The following CACNA1D variants were observed in gnomAD, a reference collection of about 807,000 sequenced individuals.
CACNA1D encodes voltage-dependent L-type calcium channel subunit alpha-1D.
In CACNA1D, 55 loss-of-function variants were observed where a neutral mutation model predicts 257.1. That is an observed-to-expected ratio of 0.21 (90% CI 0.17 to 0.27). CACNA1D has a LOEUF of 0.27. Ranked by LOEUF, CACNA1D falls within the 10% of genes least tolerant of loss-of-function variation. The pLI is 1.00. For missense variants in CACNA1D, 1,876 were observed against 2,784.0 expected, an observed-to-expected ratio of 0.67 and a Z score of 7.34; for synonymous variants, 980 against 1,014.9, an observed-to-expected ratio of 0.97 and a Z score of 0.65.
Position 53,702,769 on chromosome 3 carries a change from C to A in CACNA1D, c.1349C>A (p.Pro450Gln), listed in dbSNP as rs556582252. The change falls in exon 9 of 48, where the codon CCG (proline) becomes CAG (glutamine). Residue 450 changes from proline to glutamine, a missense_variant. Physicochemically the swap from Pro to Gln is moderately conservative, Grantham distance 76 (BLOSUM62 -1). Around this residue, in one of 10 missense-constraint regions of CACNA1D, gnomAD observed 257 missense variants for 399.7 expected, o/e 0.64. Coordinates refer to ENST00000350061, the MANE Select transcript of CACNA1D (RefSeq NM_001128840.3). ...DWITQAEDID[P>Q]ENEEEGGEEG... ...ATCACCCAAGCTGAGGACATCGATCCGGAGAATGAGGAAGAAGGAGGAGAG... is the reference window on the plus strand; with the variant it reads ...ATCACCCAAGCTGAGGACATCGATCAGGAGAATGAGGAAGAAGGAGGAGAG... 1 of 1,614,150 alleles carries A rather than the reference C, an allele frequency of 6.2e-7. No individual in the cohort carries two copies. Among genetic ancestry groups the A allele is most frequent in the Non-Finnish European group, 8.5e-7 (1 of 1,180,028 alleles).
At chr3:53,500,392 G>A (rs1416690034) in intron 2 of CACNA1D, among the ~76,000 whole-genome samples, 2 of 149,006 alleles carry the variant, frequency 1.3e-5, no homozygotes, top group Admixed American at 1.3e-4. Context: ...TTGAGATTGC[G>A]CCAGTGCACT....
intron 3 of CACNA1D, among the ~76,000 whole-genome samples, chr3:53,609,874 A>G (rs1289214728): frequency 6.6e-6 from 1 of 152,162 alleles, no homozygotes; most frequent in Non-Finnish European, 1.5e-5. Flanking sequence ...CTTTTCTAAT[A>G]TCGGAATATT....
At chr3:53,545,855 T>G (rs1425160838) in intron 3 of CACNA1D, among the ~76,000 whole-genome samples, 1 of 152,196 alleles carries the variant, frequency 6.6e-6, no homozygotes, top group Non-Finnish European at 1.5e-5. Context: ...GTTTCTATTG[T>G]GCGTGCTGAT....
At chr3:53,690,516 T>A (rs936943638) in intron 8 of CACNA1D, among the ~76,000 whole-genome samples, 2 of 152,190 alleles carry the variant, frequency 1.3e-5, no homozygotes, top group African/African-American at 4.8e-5. Context: ...GCTCTGCCCC[T>A]TGTTCTCCGT....
chr3:53,750,355 A>G (rs1326561156), intron 27 of CACNA1D, among the ~76,000 whole-genome samples: 1 of 152,180 alleles, frequency 6.6e-6, no homozygotes, highest in Non-Finnish European at 1.5e-5. Context: ...AAGAGTCTAC[A>G]AGATCGAGAT....
In CACNA1D at chr3:53,723,304, G is replaced by A. The variant is rs1006232273; in HGVS notation, c.1667-130G>A. 1 of 747,904 alleles carries A rather than the reference G, an allele frequency of 1.3e-6. No homozygotes were observed. The highest frequency in any genetic ancestry group is 1.4e-5 in the South Asian group (1 of 70,356). The allele number at this position is 747,904 out of a possible 1,614,324, so 46.3% of individuals were successfully genotyped here. On this transcript the variant is annotated intron_variant, in intron 12 of 47. Transcript: ENST00000350061. The surrounding 1 kb of genome is among the most constrained non-coding windows in gnomAD (Gnocchi z 5.6). ...AGGCCACGTTTCTGTCCTGAGTGAG[G>A]TAGTGAAGAGAGAGACAAGGTATTG...
rs148800138 is a variant in CACNA1D, at chr3:53,540,844, C to T, written c.483+39124C>T. On this transcript the variant is annotated intron_variant, in intron 3 of 47. Coordinates refer to ENST00000350061, the MANE Select transcript of CACNA1D (RefSeq NM_001128840.3). Reference sequence around the variant, plus strand: ...GCTACCTCCGCCTCCTGGGTTCAAGCGATTCTCTGGCCTCAGCCTCCCAAG... The same window carrying T: ...GCTACCTCCGCCTCCTGGGTTCAAGTGATTCTCTGGCCTCAGCCTCCCAAG... Among the ~76,000 whole-genome samples, 59 of 152,160 alleles carry T rather than the reference C, an allele frequency of 3.9e-4. No individual in the cohort carries two copies. The East Asian group carries it at 0.01, about 27-fold the overall frequency.
intron 9 of CACNA1D, among the ~76,000 whole-genome samples, chr3:53,713,529 TGTGTGTGTGTGTGTGA>T (rs1159196369): frequency 0.019 from 2,758 of 142,988 alleles, 71 homozygotes; most frequent in African/African-American, 0.07. Flanking sequence ...TGTGTGTGTG[TGTGTGTGTGTGTGTGA>T]GAGATTTGCC....
intron 3 of CACNA1D, among the ~76,000 whole-genome samples, chr3:53,645,844 G>T (rs1208731135): frequency 1.3e-5 from 2 of 152,132 alleles, no homozygotes; most frequent in Non-Finnish European, 2.9e-5. Context: ...ATGAGAAAGA[G>T]GGTTGGGGAG....
At position 53,731,140 on chromosome 3, in the gene CACNA1D, C is replaced by A; in HGVS notation, c.2400C>A (p.Asp800Glu). The change falls in exon 17 of 48, where the codon GAC becomes GAA. Residue 800 changes from aspartate to glutamate, a missense_variant. This residue lies in a region of CACNA1D where 78 missense variants were observed against 69.2 expected (regional missense o/e 1.13). Transcript: ENST00000350061. Reference sequence around the variant, plus strand: ...AAGTCAACCAGATAGCCAACAGTGACAACAAGGTATGTATTCTAAGATGCT... The same window carrying A: ...AAGTCAACCAGATAGCCAACAGTGAAAACAAGGTATGTATTCTAAGATGCT... ...KPEVNQIANS[D>E]NKVTIDDYRE... 1 of 1,604,086 alleles carries A rather than the reference C, an allele frequency of 6.2e-7. No homozygotes were observed.
rs990580531 is a variant in CACNA1D, at chr3:53,660,347, G to A, written c.766+72G>A. 1.3e-5 allele frequency: 19 copies of A among 1,455,514 alleles called. No homozygotes were observed. The South Asian group carries it at 1.9e-4, about 15-fold the overall frequency. The allele number at this position is 1,455,514 out of a possible 1,614,324, so 90.2% of individuals were successfully genotyped here. On this transcript the variant is annotated intron_variant, in intron 5 of 47. Coordinates refer to ENST00000350061, the MANE Select transcript of CACNA1D (RefSeq NM_001128840.3). ...TTCCAGGTGGGTTTCAGAATCACTG[G>A]TGCTTTGAGGTGAGTTGCTCTGTGC...
intron 8 of CACNA1D, among the ~76,000 whole-genome samples, chr3:53,676,570 T>C (rs1172330955): frequency 1.3e-5 from 2 of 152,192 alleles, no homozygotes; most frequent in Non-Finnish European, 2.9e-5. Flanking sequence ...GTCGAGACCA[T>C]GTGATTGCCT....
At chr3:53,766,040 A>T (rs950933917) in intron 30 of CACNA1D, 1 of 152,174 alleles carries the variant, frequency 6.6e-6, no homozygotes, top group Non-Finnish European at 1.5e-5. Context: ...TGTCACTGAC[A>T]TTTGTCTCTT....
chr3:53,764,757 C>T (rs2095323188), intron 30 of CACNA1D, among the ~76,000 whole-genome samples: 1 of 152,216 alleles, frequency 6.6e-6, no homozygotes, highest in African/African-American at 2.4e-5. Context: ...AGGAAAGGGG[C>T]AGGTCTACGC....
intron 3 of CACNA1D, among the ~76,000 whole-genome samples, chr3:53,559,779 A>G (rs1324785779): frequency 6.6e-6 from 1 of 152,176 alleles, no homozygotes; most frequent in Non-Finnish European, 1.5e-5. Context: ...TCCTCCAGCT[A>G]GAAAGCGAGG....
chr3:53,495,360 C>A lies in CACNA1D; in HGVS notation c.67+127C>A. ...GGAGAGGGTGCTGCCAGCTCGGTGT[C>A]GTCTACACAGAGAGGGGACATGCGT... On this transcript the variant is annotated intron_variant, in intron 1 of 47. Transcript: ENST00000350061. The surrounding 1 kb of genome is among the most constrained non-coding windows in gnomAD (Gnocchi z 5.1). The A allele has an allele frequency of 9.3e-7, 1 of 1,078,110 alleles. No homozygotes were observed. The highest frequency in any genetic ancestry group is 1.4e-6 in the Non-Finnish European group (1 of 701,326). 66.8% of individuals were successfully genotyped at this position (1,078,110 alleles called of 1,614,324 possible). A position where few individuals can be genotyped will look rare whatever the true frequency, so the allele number is the denominator to read the frequency against.
chr3:53,755,194 A>G (rs919341374), intron 29 of CACNA1D, among the ~76,000 whole-genome samples: 31 of 152,240 alleles, frequency 2.0e-4, no homozygotes, highest in Non-Finnish European at 1.0e-4. Context: ...GAAATGCAAC[A>G]TGGAACCTCT....
At position 53,712,710 on chromosome 3, in the gene CACNA1D, C is replaced by G. The variant is rs568911192; in HGVS notation, c.1391-5591C>G. 3.3e-5 allele frequency among the ~76,000 whole-genome samples: 5 copies of G among 152,250 alleles called. No individual in the cohort carries two copies. The South Asian group carries it at 8.3e-4, about 25-fold the overall frequency. On this transcript the variant is annotated intron_variant, in intron 9 of 47. Transcript: ENST00000350061. The stretch of plus-strand genomic sequence containing the variant: ...ACTGCTCAGTTGTCCAGCCTCACCC[C>G]CTACCCTTACCTTTGAAAAGAATGA...
intron 3 of CACNA1D, among the ~76,000 whole-genome samples, chr3:53,574,692 A>T (rs2093005869): frequency 6.8e-6 from 1 of 146,622 alleles, no homozygotes; most frequent in South Asian, 2.3e-4. Context: ...AGCAGACGGG[A>T]ACATTCTCAT....
Sources: allele counts gnomAD v4.1 joint callset (sites outside exome capture counted in the v4.1 genomes callset), GRCh38; gene constraint gnomAD v4.1.1; regional missense constraint gnomAD v4.1.1; non-coding constraint Gnocchi (gnomAD v3.1); transcripts MANE v1.5; gene names NCBI Gene and HGNC (gene_info 2026-07-23, HGNC 2026-07-21).